MED16: variants seen among roughly 807,000 people sequenced by gnomAD.
MED16 encodes the protein mediator complex subunit 16.
In MED16, 81 loss-of-function variants were observed where a neutral mutation model predicts 84.4. That is an observed-to-expected ratio of 0.96 (90% CI 0.80 to 1.15). MED16 has a LOEUF of 1.15. Ranked by LOEUF, MED16 falls within the 50% of genes most tolerant of loss-of-function variation. MED16 has a pLI of 0.00. For synonymous variants in MED16, 897 were observed against 552.2 expected (o/e 1.62, Z -8.76); for missense variants, 1,585 against 1,245.9 (o/e 1.27, Z -4.10).
rs2035961970 is a variant in MED16 at position 868,251 on chromosome 19, C to A, written c.2484G>T (p.Leu828=). The A allele has an allele frequency of 1.9e-6, 3 of 1,594,158 alleles. No individual in the cohort carries two copies. The highest frequency in any genetic ancestry group is 2.6e-6 in the Non-Finnish European group (3 of 1,171,274). The part of the protein sequence containing the change: ...QWEQRWIKNC[L]AVEGRGPDAC... ...CGTCCGGCCCACGGCCTTCAACAGC[C>A]CTGCAGGGCGGGCTGAGGTTAACCG... The change falls in exon 16 of 16, where the codon CTG becomes CTT. Residue 828 remains leucine (L), a splice_region_variant and synonymous_variant. Coordinates refer to ENST00000325464, the MANE Select transcript of MED16 (RefSeq NM_005481.3).
chr19:876,882 C>CCACCTGCCACGGGGCCA (rs2036248374), intron 9 of MED16, 92 bp downstream of exon 9: 76 of 1,296,058 alleles, frequency 5.9e-5, no homozygotes, highest in Admixed American at 2.9e-4. Flanking sequence ...CCACGGGGCC[C>CCACCTGCCACGGGGCCA]CCACCTGCCA....
chr19:870,670 G>C (rs770321904), intron 13 of MED16, among the ~76,000 whole-genome samples: 35 of 152,104 alleles, frequency 2.3e-4, no homozygotes, highest in Non-Finnish European at 4.6e-4. Flanking sequence ...TGGAGTTAGG[G>C]GCACCTAGAA....
intron 6 of MED16, among the ~76,000 whole-genome samples, chr19:883,980 C>T (rs1568330373): frequency 6.6e-6 from 1 of 152,184 alleles, no homozygotes; most frequent in East Asian, 1.9e-4. Flanking sequence ...GCCCTCTTCA[C>T]CTTTACTGCC....
At chr19:883,545 C>G (rs1050559354) in intron 6 of MED16, among the ~76,000 whole-genome samples, 3 of 152,036 alleles carry the variant, frequency 2.0e-5, no homozygotes, top group African/African-American at 7.3e-5. Flanking sequence ...TCCCAGTGAC[C>G]CCCAGCTGCC....
At chr19:892,135 G>C (rs2036649961) in intron 1 of MED16, among the ~76,000 whole-genome samples, 4 of 152,152 alleles carry the variant, frequency 2.6e-5, no homozygotes, top group Admixed American at 2.6e-4. Flanking sequence ...GCATCCAGAC[G>C]GGCTGTTTCG....
In MED16 at chr19:871,024, G is replaced by A; in HGVS notation, c.2315+13C>T. ...AGTCCTGTGTTTGGGGACCAATGCA[G>A]GGACACACGCACCTGGCGAGGCCGT... On this transcript the variant is annotated intron_variant, in intron 13 of 15. Coordinates refer to ENST00000325464, the MANE Select transcript of MED16 (RefSeq NM_005481.3). 3 of 1,535,816 alleles carry A rather than the reference G, an allele frequency of 2.0e-6. No individual in the cohort carries two copies. The highest frequency in any genetic ancestry group is 2.5e-5 in the East Asian group (1 of 40,522).
chr19:877,858 GC>G lies in MED16; in HGVS notation c.1354-679del, dbSNP rs1294176669. 5.0e-5 allele frequency among the ~76,000 whole-genome samples: 7 copies of G among 141,170 alleles called. No individual in the cohort carries two copies. The Admixed American group carries it at 5.2e-4, about 10-fold the overall frequency. The allele number at this position is 141,170 out of a possible 152,430, so 92.6% of individuals were successfully genotyped here. On this transcript the variant is annotated intron_variant, in intron 8 of 15. Coordinates refer to ENST00000325464, the MANE Select transcript of MED16 (RefSeq NM_005481.3). ...ATGCCCACCAAGCCCAGCCCCACAT[GC>G]CCCAGCAGCTCGCCTTCCCCTGGTT...
At chr19:884,830 A>C in intron 6 of MED16, 73 bp downstream of exon 6, 1 of 1,213,488 alleles carries the variant, frequency 8.2e-7, no homozygotes, top group Non-Finnish European at 1.2e-6. Flanking sequence ...ACACAGCAAG[A>C]CCTGCCTCCA....
Position 868,265 on chromosome 19 carries a change from TGAG to T in MED16, c.2484-17_2484-15del. 1 of 1,592,726 alleles carries T rather than the reference TGAG, an allele frequency of 6.3e-7. No homozygotes were observed. The highest frequency in any genetic ancestry group is 8.5e-7 in the Non-Finnish European group (1 of 1,171,270). On this transcript the variant is annotated splice_polypyrimidine_tract_variant and intron_variant, in intron 15 of 15. Transcript: ENST00000325464. ...CCTTCAACAGCCCTGCAGGGCGGGC[TGAG>T]GTTAACCGCGCCGAGGAGAGTCCAG...
chr19:869,615 T>G (rs1330787226), intron 13 of MED16, among the ~76,000 whole-genome samples: 1 of 151,920 alleles, frequency 6.6e-6, no homozygotes, highest in Non-Finnish European at 1.5e-5. Context: ...ATGCTGGAGG[T>G]CCTAGAGCCA....
intron 6 of MED16, 86 bp downstream of exon 6, chr19:884,817 G>A (rs1212161295): frequency 1.9e-6 from 2 of 1,067,820 alleles, no homozygotes; most frequent in Non-Finnish European, 2.8e-6. Flanking sequence ...ACCACCCTGG[G>A]TGACACAGCA....
At chr19:876,482 G>C (rs2036232607) in intron 9 of MED16, among the ~76,000 whole-genome samples, 1 of 152,152 alleles carries the variant, frequency 6.6e-6, no homozygotes, top group Non-Finnish European at 1.5e-5. Context: ...TCCAGACTGG[G>C]AACACTGGAG....
rs755795385 is a variant in MED16 at position 868,845 on chromosome 19, G to T, written c.2399+18C>A. ...AGCGGCACATCTCTGGGAGTCAGCG[G>T]TTCCGGGGGCCCCTCACCTGGTGCA... is the stretch of plus-strand genomic sequence containing the variant. On this transcript the variant is annotated intron_variant, in intron 14 of 15. Coordinates refer to ENST00000325464, the MANE Select transcript of MED16 (RefSeq NM_005481.3). 2 of 1,544,792 alleles carry T rather than the reference G, an allele frequency of 1.3e-6. No individual in the cohort carries two copies. Among genetic ancestry groups the T allele is most frequent in the South Asian group, 1.2e-5 (1 of 84,008 alleles).
At chr19:886,345 C>G (rs2036527402) in intron 4 of MED16, 144 bp from the exon 5 acceptor site, 1 of 693,650 alleles carries the variant, frequency 1.4e-6, no homozygotes, top group South Asian at 2.2e-5. Flanking sequence ...GCCACCTGAG[C>G]CGTGTGGGAT....
In MED16 at chr19:889,671, G is replaced by C; in HGVS notation, c.414C>G (p.His138Gln). Residue 138 changes from histidine to glutamine, a missense_variant, in exon 4 of 16, where the codon CAC (histidine) becomes CAG (glutamine). Coordinates refer to ENST00000325464, the MANE Select transcript of MED16 (RefSeq NM_005481.3). ...GDPIVALSWL[H>Q]NGVKLALHVE... is the part of the protein sequence containing the mutation. Reference sequence around the variant, plus strand: ...CGTGCAGGGCCAGTTTCACACCATTGTGCAGCCAGGACAGGGCCACAATGG... The same window carrying C: ...CGTGCAGGGCCAGTTTCACACCATTCTGCAGCCAGGACAGGGCCACAATGG... 1 of 1,613,706 alleles carries C rather than the reference G, an allele frequency of 6.2e-7. No individual in the cohort carries two copies.
rs780058395 is a variant in MED16 at position 889,815 on chromosome 19, C to A, written c.278-8G>T. Reference sequence around the variant, plus strand: ...CTGACAGGAGCCGGGAGCCTGAGGGCAAGAAGCCATCATTGCGAACCTTCC... The same window carrying A: ...CTGACAGGAGCCGGGAGCCTGAGGGAAAGAAGCCATCATTGCGAACCTTCC... On this transcript the variant is annotated splice_polypyrimidine_tract_variant and splice_region_variant and intron_variant, in intron 3 of 15. Transcript: ENST00000325464. The A allele has an allele frequency of 1.2e-6, 2 of 1,606,764 alleles. No homozygotes were observed. The highest frequency in any genetic ancestry group is 2.2e-5 in the East Asian group (1 of 44,598).
chr19:881,739 A>C, intron 6 of MED16, 25 bp from the exon 7 acceptor site: 1 of 1,605,168 alleles, frequency 6.2e-7, no homozygotes, highest in Non-Finnish European at 8.5e-7. Context: ...GCAGGAAAAC[A>C]GGAAGGCAAT....
intron 14 of MED16, 21 bp downstream of exon 14, chr19:868,842 G>T (rs1568316445): frequency 3.2e-6 from 5 of 1,544,110 alleles, no homozygotes; most frequent in Non-Finnish European, 4.4e-6. Flanking sequence ...CTGGGAGTCA[G>T]CGGTTCCGGG....
chr19:872,255 G>GCTTCTGGCACCGAGTGGGGGGA (rs1568320256), intron 11 of MED16, 137 bp from the exon 12 acceptor site: 3 of 692,210 alleles, frequency 4.3e-6, no homozygotes, highest in East Asian at 5.7e-5. Context: ...CAGGACTGGG[G>GCTTCTGGCACCGAGTGGGGGGA]TGCTTCTGGC....
Sources: gnomAD v4.1 joint callset for allele counts (sites outside exome capture counted in the v4.1 genomes callset) on GRCh38, gnomAD v4.1.1 for gene constraint, MANE v1.5 for transcripts, NCBI Gene and HGNC (gene_info 2026-07-23, HGNC 2026-07-21) for gene names.